Variants in SFRP4 observed in about 807,000 individuals in gnomAD.
SFRP4 encodes secreted frizzled-related protein 4.
A neutral mutation model predicts 36.3 loss-of-function variants in SFRP4; 25 were observed. The ratio of observed to expected loss-of-function variants is 0.69; its 90% CI spans 0.50 to 0.96. SFRP4 has a LOEUF of 0.96. Ranked by LOEUF, SFRP4 falls within the 40% of genes least tolerant of loss-of-function variation. The pLI, the probability that SFRP4 is intolerant of heterozygous loss-of-function variation, is 0.00. For synonymous variants in SFRP4, 182 were observed against 168.8 expected (o/e 1.08, Z -0.60); for missense variants, 487 against 459.6 (o/e 1.06, Z -0.54).
chr7:37,912,990 G>T (rs1785518608), intron 3 of SFRP4, among the ~76,000 whole-genome samples: 2 of 152,294 alleles, frequency 1.3e-5, no homozygotes, highest in African/African-American at 2.4e-5. Flanking sequence ...ATTTCAGGAA[G>T]CCAGTTTATG....
chr7:37,911,412 C>T (rs1021968809), intron 4 of SFRP4, among the ~76,000 whole-genome samples: 1 of 152,120 alleles, frequency 6.6e-6, no homozygotes, highest in African/African-American at 2.4e-5. Context: ...AAGTATACTG[C>T]ATCAACTTAT....
intron 5 of SFRP4, 33 bp downstream of exon 5, chr7:37,909,584 A>T: frequency 7.7e-7 from 1 of 1,292,414 alleles, no homozygotes; most frequent in Non-Finnish European, 1.1e-6. Flanking sequence ...GTGCACTTAC[A>T]TCCATCTTCA....
chr7:37,912,110 T>C lies in SFRP4; in HGVS notation c.791+9A>G, dbSNP rs750798318. The C allele has an allele frequency of 4.8e-5, 77 of 1,610,238 alleles. 2 individuals are homozygous for C. In the South Asian group the frequency reaches 7.3e-4, roughly 15 times the overall value. On this transcript the variant is annotated intron_variant, in intron 4 of 5. Transcript: ENST00000436072. ...GTGCATACAGTTCCTTCTGCCTCTT[T>C]GTGCCTACCTTGAGCGCCACTCGTA...
Position 37,909,624 on chromosome 7 carries a change from C to G in SFRP4, c.848G>C (p.Arg283Thr). The change falls in exon 5 of 6, where the codon AGA (arginine) becomes ACA (threonine). Residue 283 changes from arginine (R) to threonine (T), a missense_variant. Arg to Thr is a moderately conservative substitution (Grantham distance 71). Transcript: ENST00000436072. ...VEKWRDQLSK[R>T]SIQWEERLQE... ...ATTGTTCATGATACTTACTATGGAT[C>G]TTTTACTAAGCTGATCTCTCCATTT... The G allele has an allele frequency of 6.4e-7, 1 of 1,562,754 alleles. No homozygotes were observed. Among genetic ancestry groups the G allele is most frequent in the South Asian group, 1.2e-5 (1 of 82,382 alleles).
In SFRP4 at chr7:37,909,698, T is replaced by C. The variant is rs764061976; in HGVS notation, c.792-18A>G. The C allele has an allele frequency of 6.1e-5, 89 of 1,455,718 alleles. No individual in the cohort carries two copies. The highest frequency in any genetic ancestry group is 7.5e-5 in the Non-Finnish European group (79 of 1,054,248). The allele number at this position is 1,455,718 out of a possible 1,614,324, so 90.2% of individuals were successfully genotyped here. On this transcript the variant is annotated intron_variant, in intron 4 of 5. Coordinates refer to ENST00000436072, the MANE Select transcript of SFRP4 (RefSeq NM_003014.4). ...GCATCATCCTGAAAAAAAATTATCTTAGTAAACAGATTTTTATTACAAAAG... is the reference window on the plus strand; with the variant it reads ...GCATCATCCTGAAAAAAAATTATCTCAGTAAACAGATTTTTATTACAAAAG...
In SFRP4 at chr7:37,916,562, C is replaced by G; in HGVS notation, c.-25G>C. 6.3e-7 allele frequency: 1 copy of G among 1,590,122 alleles called. No homozygotes were observed. The highest frequency in any genetic ancestry group is 8.5e-7 in the Non-Finnish European group (1 of 1,170,290). ...TGGCACTGCCCTCTCGCGCTGCGAC[C>G]CCGGCAGACAGAAAGCGCCCTTCTC... On this transcript the variant is annotated 5_prime_UTR_variant, in exon 1 of 6. Coordinates refer to ENST00000436072, the MANE Select transcript of SFRP4 (RefSeq NM_003014.4). The surrounding 1 kb of genome is among the most constrained non-coding windows in gnomAD (Gnocchi z 4.1).
rs1785582329 is a variant in SFRP4, at chr7:37,916,510, A to G, written c.28T>C (p.Cys10Arg). ...CCCAGCGCCAGGTGCAGCCACAGGCACAGCGCCACTAGGATGGAGAGGAAC... is the reference window on the plus strand; with the variant it reads ...CCCAGCGCCAGGTGCAGCCACAGGCGCAGCGCCACTAGGATGGAGAGGAAC... MFLSILVAL[C>R]LWLHLALGVR... Residue 10 changes from cysteine (C) to arginine (R), a missense_variant, in exon 1 of 6, where the codon TGC becomes CGC. Physicochemically the swap from Cys to Arg is radical, Grantham distance 180. Transcript: ENST00000436072. The surrounding 1 kb of genome is among the most constrained non-coding windows in gnomAD (Gnocchi z 4.1). The G allele has an allele frequency of 6.2e-7, 1 of 1,610,962 alleles. No individual in the cohort carries two copies. The highest frequency in any genetic ancestry group is 1.1e-5 in the South Asian group (1 of 91,008).
At chr7:37,911,798 C>T (rs1785491569) in intron 4 of SFRP4, among the ~76,000 whole-genome samples, 1 of 152,116 alleles carries the variant, frequency 6.6e-6, no homozygotes, top group Non-Finnish European at 1.5e-5. Context: ...CAGTATGTGC[C>T]ACTCTAAAAT....
In SFRP4 at chr7:37,916,284, C is replaced by A. The variant is rs1246378644; in HGVS notation, c.254G>T (p.Cys85Phe). ...AGGGTCGTGCAGGAACTCCAGGGTG[C>A]AAATGGGCGCGTACATGGCACAGAG... is the stretch of plus-strand genomic sequence containing the variant. ...FFLCAMYAPICTLEFLHDPIK... is the reference protein window; with the variant it reads ...FFLCAMYAPIFTLEFLHDPIK... Residue 85 changes from cysteine to phenylalanine, a missense_variant, in exon 1 of 6, where the codon TGC becomes TTC. Cys to Phe is a radical substitution (Grantham distance 205, BLOSUM62 -2). Coordinates refer to ENST00000436072, the MANE Select transcript of SFRP4 (RefSeq NM_003014.4). The surrounding 1 kb of genome is among the most constrained non-coding windows in gnomAD (Gnocchi z 4.1). The A allele has an allele frequency of 6.2e-7, 1 of 1,614,194 alleles. No homozygotes were observed. Among genetic ancestry groups the A allele is most frequent in the Non-Finnish European group, 8.5e-7 (1 of 1,180,036 alleles).
Position 37,916,081 on chromosome 7 carries a change from C to T in SFRP4, c.445+12G>A, listed in dbSNP as rs1054691258. ...GCCTCCTCGCCTCCCTCCATCCTTC[C>T]TACGGCCTCACCCTCCGGGAGGTCC... On this transcript the variant is annotated intron_variant, in intron 1 of 5. Coordinates refer to ENST00000436072, the MANE Select transcript of SFRP4 (RefSeq NM_003014.4). This position sits in a 1 kb window ranked among gnomAD's most constrained non-coding sequence, Gnocchi z 4.1. 2 of 1,604,076 alleles carry T rather than the reference C, an allele frequency of 1.2e-6. No individual in the cohort carries two copies.
In SFRP4 at chr7:37,916,508, G is replaced by A; in HGVS notation, c.30C>T (p.Cys10=). ...CGCCCAGCGCCAGGTGCAGCCACAG[G>A]CACAGCGCCACTAGGATGGAGAGGA... MFLSILVAL[C]LWLHLALGVR... Residue 10 remains cysteine, a synonymous_variant, in exon 1 of 6, where the codon TGC becomes TGT. Coordinates refer to ENST00000436072, the MANE Select transcript of SFRP4 (RefSeq NM_003014.4). This position sits in a 1 kb window ranked among gnomAD's most constrained non-coding sequence, Gnocchi z 4.1. 1.2e-6 allele frequency: 2 copies of A among 1,611,062 alleles called. No individual in the cohort carries two copies. Among genetic ancestry groups the A allele is most frequent in the South Asian group, 2.2e-5 (2 of 90,998 alleles).
intron 4 of SFRP4, among the ~76,000 whole-genome samples, chr7:37,911,446 T>A (rs1785484711): frequency 6.6e-6 from 1 of 152,134 alleles, no homozygotes; most frequent in Admixed American, 6.6e-5. Context: ...GAGGCTGGGC[T>A]CAAGAGTTTG....
At chr7:37,912,064 G>T in intron 4 of SFRP4, 55 bp downstream of exon 4, 1 of 1,346,556 alleles carries the variant, frequency 7.4e-7, no homozygotes, top group Non-Finnish European at 1.0e-6. Flanking sequence ...TGCTAACTGA[G>T]ATTGAGGTCT....
At chr7:37,908,826 T>C (rs897206973) in intron 5 of SFRP4, among the ~76,000 whole-genome samples, 1 of 152,230 alleles carries the variant, frequency 6.6e-6, no homozygotes, top group Non-Finnish European at 1.5e-5. Context: ...ACGCACTGAC[T>C]AGCGGAGGCT....
rs1254471216 is a variant in SFRP4, at chr7:37,916,647, GGA to G, written c.-112_-111del. On this transcript the variant is annotated 5_prime_UTR_variant, in exon 1 of 6. Transcript: ENST00000436072. This position sits in a 1 kb window ranked among gnomAD's most constrained non-coding sequence, Gnocchi z 4.1. ...CGAGGAAGAAATCCTCTGGGGCGCA[GGA>G]GAGTTTCTTCCCCCAAACTCCAGTC... 7.0e-7 allele frequency: 1 copy of G among 1,437,644 alleles called. No individual in the cohort carries two copies. Among genetic ancestry groups the G allele is most frequent in the Non-Finnish European group, 9.2e-7 (1 of 1,085,356 alleles). 89.1% of individuals were successfully genotyped at this position (1,437,644 alleles called of 1,614,324 possible). A position where few individuals can be genotyped will look rare whatever the true frequency, so the allele number is the denominator to read the frequency against.
chr7:37,916,326 G>A lies in SFRP4; in HGVS notation c.212C>T (p.Ala71Val), dbSNP rs367982958. Reference sequence around the variant, plus strand: ...GGCACAGAGGAAGAAGCGCAGCACGGCGCTGCAGTTCACGTCCACCAGCTC... The same window carrying A: ...GGCACAGAGGAAGAAGCGCAGCACGACGCTGCAGTTCACGTCCACCAGCTC... ...YEELVDVNCS[A>V]VLRFFLCAMY... The change falls in exon 1 of 6, where the codon GCC becomes GTC. Residue 71 changes from alanine to valine, a missense_variant. By Grantham distance (64) the Ala-to-Val change is moderately conservative (BLOSUM62 0). Coordinates refer to ENST00000436072, the MANE Select transcript of SFRP4 (RefSeq NM_003014.4). The surrounding 1 kb of genome is among the most constrained non-coding windows in gnomAD (Gnocchi z 4.1). The A allele has an allele frequency of 6.2e-7, 1 of 1,614,236 alleles. No homozygotes were observed.
At chr7:37,915,931 A>G (rs183186446) in intron 1 of SFRP4, among the ~76,000 whole-genome samples, 162 bp downstream of exon 1, 18 of 152,058 alleles carry the variant, frequency 1.2e-4, no homozygotes, top group Admixed American at 1.0e-3. Flanking sequence ...TTCCTATGGG[A>G]GAAACCAGAC....
At chr7:37,914,602 C>T in intron 1 of SFRP4, 149 bp from the exon 2 acceptor site, 1 of 678,062 alleles carries the variant, frequency 1.5e-6, no homozygotes, top group South Asian at 1.7e-5. Flanking sequence ...AAGTGGCTCA[C>T]ACCTGTAATC....
chr7:37,914,360 A>C lies in SFRP4; in HGVS notation c.526+13T>G. ...GGAGAAGTAGAGGGAACGTCCATGA[A>C]GAAAGAACTCACCGGGGCTTAGGCG... On this transcript the variant is annotated intron_variant, in intron 2 of 5. Transcript: ENST00000436072. 7 of 1,612,568 alleles carry C rather than the reference A, an allele frequency of 4.3e-6. No individual in the cohort carries two copies. The highest frequency in any genetic ancestry group is 5.9e-6 in the Non-Finnish European group (7 of 1,178,536).
Sources: gnomAD v4.1 joint callset for allele counts (sites outside exome capture counted in the v4.1 genomes callset) on GRCh38, gnomAD v4.1.1 for gene constraint, Gnocchi (gnomAD v3.1) non-coding constraint, MANE v1.5 for transcripts, NCBI Gene and HGNC (gene_info 2026-07-23, HGNC 2026-07-21) for gene names.